The following DLG1 variants were observed in gnomAD, a reference collection of about 807,000 sequenced individuals.
DLG1 encodes the protein discs large MAGUK scaffold protein 1.
A neutral mutation model predicts 123.4 loss-of-function variants in DLG1; 42 were observed. That is an observed-to-expected ratio of 0.34 (90% CI 0.27 to 0.44). The LOEUF is 0.44. Ranked by LOEUF, DLG1 falls within the 20% of genes least tolerant of loss-of-function variation. The pLI, the probability that DLG1 is intolerant of heterozygous loss-of-function variation, is 1.00. For synonymous variants in DLG1, 317 were observed against 356.2 expected (o/e 0.89, Z 1.24); for missense variants, 942 against 1,082.6 (o/e 0.87, Z 1.82).
chr3:197,255,431 ATT>A (rs887041543), intron 4 of DLG1, among the ~76,000 whole-genome samples: 1 of 152,224 alleles, frequency 6.6e-6, no homozygotes, highest in African/African-American at 2.4e-5. Context: ...AAAGTGTGTC[ATT>A]GATTCCTGCC....
At chr3:197,051,485 G>A in intron 24 of DLG1, 92 bp downstream of exon 24, 1 of 935,778 alleles carries the variant, frequency 1.1e-6, no homozygotes, top group South Asian at 1.4e-5. Flanking sequence ...GGTAGATGTA[G>A]GCATAGTTCA....
chr3:197,054,442 G>GTTTCA (rs1730239064), intron 23 of DLG1, among the ~76,000 whole-genome samples: 1 of 114,098 alleles, frequency 8.8e-6, no homozygotes, highest in Admixed American at 9.6e-5. Flanking sequence ...TCTCTGTTTC[G>GTTTCA]CAGACTAAAT....
At chr3:197,061,514 T>G (rs1436869622) in intron 22 of DLG1, among the ~76,000 whole-genome samples, 1 of 152,236 alleles carries the variant, frequency 6.6e-6, no homozygotes, top group Admixed American at 6.5e-5. Context: ...AGGATCGAAT[T>G]CAGGATCATA....
chr3:197,165,988 G>A (rs1033530496), intron 5 of DLG1, among the ~76,000 whole-genome samples: 3 of 152,206 alleles, frequency 2.0e-5, no homozygotes. Context: ...TGAAGCTCAC[G>A]CAGGGTGAGG....
chr3:197,115,397 TAGC>T (rs1175867939), intron 13 of DLG1, among the ~76,000 whole-genome samples: 7 of 151,386 alleles, frequency 4.6e-5, no homozygotes, highest in African/African-American at 1.7e-4. Flanking sequence ...GCCACATTAA[TAGC>T]AGACAATATA....
intron 5 of DLG1, among the ~76,000 whole-genome samples, chr3:197,158,551 C>T (rs1797376258): frequency 6.7e-6 from 1 of 148,588 alleles, no homozygotes; most frequent in Admixed American, 6.8e-5. Flanking sequence ...GGAGAATCAC[C>T]TGAACCCGGG....
chr3:197,191,025 A>G (rs1719175594), intron 5 of DLG1, among the ~76,000 whole-genome samples: 1 of 152,124 alleles, frequency 6.6e-6, no homozygotes, highest in Admixed American at 6.5e-5. Flanking sequence ...AAACAAAACA[A>G]AACAACAACA....
chr3:197,076,725 C>T, intron 17 of DLG1, 40 bp from the exon 18 acceptor site: 1 of 1,515,260 alleles, frequency 6.6e-7, no homozygotes, highest in Non-Finnish European at 9.2e-7. Flanking sequence ...GGGATGTCTA[C>T]TGTCTGTGTG....
At position 197,059,541 on chromosome 3, in the gene DLG1, A is replaced by AT. The variant is rs985840940; in HGVS notation, c.2483+347dup. Among the ~76,000 whole-genome samples the AT allele has an allele frequency of 4.1e-4, 61 of 150,404 alleles. 2 individuals carry two copies. The highest frequency in any genetic ancestry group is 3.9e-4 in the African/African-American group (16 of 40,744). On this transcript the variant is annotated intron_variant, in intron 23 of 24. Coordinates refer to ENST00000667157, the MANE Select transcript of DLG1 (RefSeq NM_001366207.1). ...CTTTCTTAATTTTTACTTAGATTCT[A>AT]TTTTTTTGTCCCCTGAAAGTATTAG...
intron 4 of DLG1, among the ~76,000 whole-genome samples, chr3:197,241,756 CTAAGATAAGTTGTCAACTCTT>C (rs1460935676): frequency 1.3e-5 from 2 of 152,102 alleles, no homozygotes; most frequent in Non-Finnish European, 2.9e-5. Flanking sequence ...CTTTTGTGAT[CTAAGATAAGTTGTCAACTCTT>C]TAAGATAATT....
intron 11 of DLG1, among the ~76,000 whole-genome samples, chr3:197,129,372 T>G (rs1414986387): frequency 6.6e-6 from 1 of 152,230 alleles, no homozygotes; most frequent in East Asian, 1.9e-4. Context: ...TTCTACAGCT[T>G]CCTCACCTCT....
At chr3:197,140,563 G>T (rs1787448503) in intron 7 of DLG1, among the ~76,000 whole-genome samples, 1 of 152,188 alleles carries the variant, frequency 6.6e-6, no homozygotes, top group African/African-American at 2.4e-5. Flanking sequence ...CCCATCTGCA[G>T]AGGTGTCACT....
At chr3:197,297,350 T>C (rs1002614157) in intron 1 of DLG1, 115 bp from the exon 2 acceptor site, 1 of 1,486,694 alleles carries the variant, frequency 6.7e-7, no homozygotes, top group Non-Finnish European at 8.9e-7. Flanking sequence ...TCCAAAGTTT[T>C]ACCAAGTCAA....
At chr3:197,177,811 TTGTG>T (rs1236923789) in intron 5 of DLG1, among the ~76,000 whole-genome samples, 3 of 152,150 alleles carry the variant, frequency 2.0e-5, no homozygotes, top group Non-Finnish European at 4.4e-5. Flanking sequence ...CCTCATTTCC[TTGTG>T]TGTATTTCTT....
chr3:197,120,663 T>C lies in DLG1; in HGVS notation c.1166-1133A>G, dbSNP rs542102002. ...CTGGAGTACAAAAATGCAGGAATTA[T>C]TAGTTCAAATTACTATAGTGGCCAG... On this transcript the variant is annotated intron_variant, in intron 11 of 24. Coordinates refer to ENST00000667157, the MANE Select transcript of DLG1 (RefSeq NM_001366207.1). Among the ~76,000 whole-genome samples, 4 of 152,338 alleles carry C rather than the reference T, an allele frequency of 2.6e-5. No individual in the cohort carries two copies. The East Asian group carries it at 7.7e-4, about 29-fold the overall frequency.
At chr3:197,138,803 T>C (rs970823981) in intron 8 of DLG1, among the ~76,000 whole-genome samples, 2 of 152,118 alleles carry the variant, frequency 1.3e-5, no homozygotes, top group Non-Finnish European at 2.9e-5. Context: ...AATATATATT[T>C]TAATCCCTAT....
At chr3:197,288,851 G>A (rs1773416295) in intron 3 of DLG1, among the ~76,000 whole-genome samples, 1 of 150,798 alleles carries the variant, frequency 6.6e-6, no homozygotes, top group South Asian at 2.1e-4. Flanking sequence ...GTATAGTACA[G>A]AGAAATCATA....
chr3:197,050,511 T>C (rs1204190706), intron 24 of DLG1, among the ~76,000 whole-genome samples: 3 of 152,220 alleles, frequency 2.0e-5, no homozygotes, highest in African/African-American at 7.2e-5. Context: ...ATGAAAATCC[T>C]ATCATCTGCA....
At chr3:197,225,019 C>G (rs543167344) in intron 4 of DLG1, among the ~76,000 whole-genome samples, 1 of 152,156 alleles carries the variant, frequency 6.6e-6, no homozygotes, top group African/African-American at 2.4e-5. Flanking sequence ...TGCAGTGGCG[C>G]GATCTTGGCT....
Sources: gnomAD v4.1 joint callset for allele counts (sites outside exome capture counted in the v4.1 genomes callset) on GRCh38, gnomAD v4.1.1 for gene constraint, MANE v1.5 for transcripts, NCBI Gene and HGNC (gene_info 2026-07-23, HGNC 2026-07-21) for gene names.